Variants in UHRF1 observed in about 807,000 individuals in gnomAD.
The protein encoded by UHRF1 is ubiquitin like with PHD and ring finger domains 1, also known as E3 ubiquitin-protein ligase UHRF1.
UHRF1 carries 9 observed loss-of-function variants against 96.5 expected under a neutral mutation model. That is an observed-to-expected ratio of 0.09 (90% CI 0.06 to 0.16). UHRF1 has a LOEUF of 0.16. Among genes scored for constraint, UHRF1 ranks in the 10% least tolerant of loss-of-function variants. The pLI is 1.00. For missense variants in UHRF1, 626 were observed against 1,131.1 expected, an observed-to-expected ratio of 0.55 and a Z score of 6.40; for synonymous variants, 455 against 469.9, an observed-to-expected ratio of 0.97 and a Z score of 0.41.
chr19:4,948,671 A>C (rs940139076), intron 11 of UHRF1, among the ~76,000 whole-genome samples: 1 of 152,022 alleles, frequency 6.6e-6, no homozygotes, highest in Non-Finnish European at 1.5e-5. Context: ...GTGTGGTGGC[A>C]GGCACCTGTA....
At chr19:4,935,336 G>T (rs2033184522) in intron 5 of UHRF1, among the ~76,000 whole-genome samples, 1 of 152,162 alleles carries the variant, frequency 6.6e-6, no homozygotes, top group African/African-American at 2.4e-5. Context: ...AGATGTGCCT[G>T]TGCTCGTTCA....
At chr19:4,946,218 G>C (rs2033560820) in intron 10 of UHRF1, among the ~76,000 whole-genome samples, 2 of 146,260 alleles carry the variant, frequency 1.4e-5, no homozygotes, top group African/African-American at 5.0e-5. Flanking sequence ...CGCCCAACCT[G>C]GTTCCTGCCT....
intron 5 of UHRF1, among the ~76,000 whole-genome samples, chr19:4,938,403 T>C (rs2033278484): frequency 1.3e-5 from 2 of 152,174 alleles, no homozygotes; most frequent in East Asian, 3.8e-4. Context: ...TGTTTTATTC[T>C]TGGTGTTGGT....
chr19:4,903,866 T>G (rs1401612547), intron 1 of UHRF1, among the ~76,000 whole-genome samples: 1 of 152,192 alleles, frequency 6.6e-6, no homozygotes, highest in African/African-American at 2.4e-5. Flanking sequence ...GGAAAAAACA[T>G]AGAGATATGG....
At chr19:4,931,815 C>G (rs1407284727) in intron 4 of UHRF1, among the ~76,000 whole-genome samples, 6 of 151,850 alleles carry the variant, frequency 4.0e-5, no homozygotes, top group Non-Finnish European at 8.8e-5. Flanking sequence ...GGCTGGAGTG[C>G]AATGGTGTGA....
chr19:4,936,147 C>T (rs1298864861), intron 5 of UHRF1, among the ~76,000 whole-genome samples: 1 of 152,100 alleles, frequency 6.6e-6, no homozygotes, highest in African/African-American at 2.4e-5. Flanking sequence ...GTCCAGGCGG[C>T]CTTGGGGCAG....
intron 10 of UHRF1, among the ~76,000 whole-genome samples, chr19:4,946,701 A>G (rs2033576302): frequency 6.6e-6 from 1 of 152,032 alleles, no homozygotes; most frequent in African/African-American, 2.4e-5. Context: ...CAGCCTCCCA[A>G]GAAGCTGGGA....
chr19:4,937,508 C>T (rs1347895165), intron 5 of UHRF1, among the ~76,000 whole-genome samples: 3 of 151,900 alleles, frequency 2.0e-5, no homozygotes, highest in African/African-American at 7.3e-5. Flanking sequence ...ATTACAGGTG[C>T]GTATGCCAGC....
intron 2 of UHRF1, among the ~76,000 whole-genome samples, chr19:4,928,934 T>A (rs10402485): frequency 0.043 from 6,503 of 152,298 alleles, 483 homozygotes; most frequent in African/African-American, 0.15. Context: ...AAGACCCCCA[T>A]GTGTGCGTGG....
intron 13 of UHRF1, among the ~76,000 whole-genome samples, chr19:4,953,402 C>T (rs746352240): frequency 1.3e-5 from 2 of 152,172 alleles, no homozygotes; most frequent in Non-Finnish European, 2.9e-5. Context: ...ACCTCTCTTT[C>T]GCATCTTAGG....
At chr19:4,960,062 A>G (rs1313715120) in intron 16 of UHRF1, among the ~76,000 whole-genome samples, 1 of 152,172 alleles carries the variant, frequency 6.6e-6, no homozygotes, top group African/African-American at 2.4e-5. Flanking sequence ...CATGTTGGCC[A>G]GGCTGGTCTT....
Position 4,954,720 on chromosome 19 carries a change from C to T in UHRF1, c.2028C>T (p.Leu676=). 1 of 1,613,784 alleles carries T rather than the reference C, an allele frequency of 6.2e-7. No individual in the cohort carries two copies. ...AAACCAAGGTGGAGCCCTACAGTCT[C>T]ACGGCCCAGCAGAGCAGCCTCATCA... ...SKKTKVEPYS[L]TAQQSSLIRE... The change falls in exon 15 of 17, where the codon CTC becomes CTT. Residue 676 remains leucine (L), a synonymous_variant. Coordinates refer to ENST00000650932, the MANE Select transcript of UHRF1 (RefSeq NM_001048201.3). This position sits in a 1 kb window ranked among gnomAD's most constrained non-coding sequence, Gnocchi z 5.9.
In UHRF1 at chr19:4,957,960, G is replaced by A. The variant is rs548077487; in HGVS notation, c.2235+1147G>A. On this transcript the variant is annotated intron_variant, in intron 16 of 16. Transcript: ENST00000650932. Reference sequence around the variant, plus strand: ...CCTGCCACCCCACGGATCTCCCCAGGCTTCTGAGTTGCTGGCGGTTTTCCT... The same window carrying A: ...CCTGCCACCCCACGGATCTCCCCAGACTTCTGAGTTGCTGGCGGTTTTCCT... 2.2e-4 allele frequency among the ~76,000 whole-genome samples: 33 copies of A among 152,366 alleles called. No individual in the cohort carries two copies. In the South Asian group the frequency reaches 6.6e-3, roughly 31 times the overall value.
Position 4,961,909 on chromosome 19 carries a change from G to C in UHRF1, c.*1106G>C, listed in dbSNP as rs1307365792. On this transcript the variant is annotated 3_prime_UTR_variant, in exon 17 of 17. Coordinates refer to ENST00000650932, the MANE Select transcript of UHRF1 (RefSeq NM_001048201.3). ...TTTTGTATTTTTTTTCTTTTGAAAG[G>C]GTTTGTTAATTTTTCTAATTTTACC... 6.9e-6 allele frequency: 1 copy of C among 144,656 alleles called. No individual in the cohort carries two copies. Among genetic ancestry groups the C allele is most frequent in the Non-Finnish European group, 1.5e-5 (1 of 64,726 alleles). 9.0% of individuals were successfully genotyped at this position (144,656 alleles called of 1,614,324 possible).
chr19:4,907,158 G>A (rs1316004185), upstream of UHRF1, among the ~76,000 whole-genome samples: 5 of 152,186 alleles, frequency 3.3e-5, no homozygotes, highest in Admixed American at 1.3e-4. Flanking sequence ...CACCCAGGTG[G>A]GAGTACACTG....
chr19:4,955,869 G>GTCAC (rs1028368161), intron 15 of UHRF1, among the ~76,000 whole-genome samples: 1 of 152,168 alleles, frequency 6.6e-6, no homozygotes, highest in Non-Finnish European at 1.5e-5. Flanking sequence ...ATGGACAAAG[G>GTCAC]TCACTGCCTC....
rs978249165 is a variant in UHRF1 at position 4,954,170 on chromosome 19, A to G, written c.1819-180A>G. Among the ~76,000 whole-genome samples, 4 of 152,154 alleles carry G rather than the reference A, an allele frequency of 2.6e-5. No individual in the cohort carries two copies. Among genetic ancestry groups the G allele is most frequent in the African/African-American group, 7.2e-5 (3 of 41,446 alleles). On this transcript the variant is annotated intron_variant, in intron 13 of 16. Transcript: ENST00000650932. This position sits in a 1 kb window ranked among gnomAD's most constrained non-coding sequence, Gnocchi z 5.9. ...ATATTTCATGTAACATTTTCAGTTG[A>G]CTTTGGGTCACTGAAACCTCAGCAA...
At position 4,930,447 on chromosome 19, in the gene UHRF1, C is replaced by T. The variant is rs1190835442; in HGVS notation, c.409-269C>T. On this transcript the variant is annotated intron_variant, in intron 3 of 16. Coordinates refer to ENST00000650932, the MANE Select transcript of UHRF1 (RefSeq NM_001048201.3). This position sits in a 1 kb window ranked among gnomAD's most constrained non-coding sequence, Gnocchi z 4.4. Reference sequence around the variant, plus strand: ...CTCTTGACAAATGGGCAGCTCTGGTCTCTCAGGGCCTCCCAGCAGCTGTGG... The same window carrying T: ...CTCTTGACAAATGGGCAGCTCTGGTTTCTCAGGGCCTCCCAGCAGCTGTGG... Among the ~76,000 whole-genome samples, 1 of 152,228 alleles carries T rather than the reference C, an allele frequency of 6.6e-6. No homozygotes were observed. The highest frequency in any genetic ancestry group is 1.5e-5 in the Non-Finnish European group (1 of 68,038).
chr19:4,932,709 C>T (rs763956187), intron 4 of UHRF1, 32 bp from the exon 5 acceptor site: 14 of 1,608,538 alleles, frequency 8.7e-6, no homozygotes, highest in Non-Finnish European at 1.2e-5. Context: ...TTGGTCTTAG[C>T]ACGGGGTCTA....
Sources: gnomAD v4.1 joint callset for allele counts (sites outside exome capture counted in the v4.1 genomes callset) on GRCh38, gnomAD v4.1.1 for gene constraint, Gnocchi (gnomAD v3.1) non-coding constraint, MANE v1.5 for transcripts, NCBI Gene and HGNC (gene_info 2026-07-23, HGNC 2026-07-21) for gene names.